Variants in PTK2 observed in about 807,000 individuals in gnomAD.
The protein encoded by PTK2 is protein tyrosine kinase 2.
PTK2 carries 45 observed loss-of-function variants against 150.1 expected under a neutral mutation model. The ratio of observed to expected loss-of-function variants is 0.30; its 90% CI spans 0.24 to 0.38. The LOEUF is 0.38. PTK2 is among the 10% of genes least tolerant of loss of function. The probability of loss-of-function intolerance (pLI) is 1.00; values close to 1 mark genes in which losing one functional copy is unlikely to be tolerated. For missense variants in PTK2, 919 were observed against 1,307.3 expected, an observed-to-expected ratio of 0.70 and a Z score of 4.58; for synonymous variants, 432 against 449.2, an observed-to-expected ratio of 0.96 and a Z score of 0.48.
chr8:140,717,852 G>T (rs1004024255), intron 22 of PTK2, 143 bp from the exon 26 acceptor site: 1 of 615,670 alleles, frequency 1.6e-6, no homozygotes, highest in Non-Finnish European at 2.9e-6. Flanking sequence ...GGGAAAGAAG[G>T]ATCAGGTTTC....
chr8:140,872,248 T>A (rs1403347715), intron 4 of PTK2, among the ~76,000 whole-genome samples: 2 of 151,866 alleles, frequency 1.3e-5, no homozygotes, highest in African/African-American at 4.8e-5. Context: ...TTTCACCATG[T>A]TGGCCAGGCT....
chr8:140,686,658 T>C (rs1336040836), exon 27 of PTK2: 1 of 1,613,964 alleles, frequency 6.2e-7, no homozygotes, highest in South Asian at 1.1e-5. Context: ...CCATCCTCCC[T>C]GTCAATACTG....
intron 20 of PTK2, among the ~76,000 whole-genome samples, chr8:140,741,123 G>A (rs1186255112): frequency 2.0e-5 from 3 of 151,942 alleles, no homozygotes; most frequent in East Asian, 1.9e-4. Flanking sequence ...CAGCCTGGAC[G>A]ACAGAACGAG....
At chr8:140,686,818 C>T in intron 26 of PTK2, 124 bp from the exon 30 acceptor site, 1 of 848,762 alleles carries the variant, frequency 1.2e-6, no homozygotes, top group Admixed American at 2.7e-5. Context: ...TTGAAAGTTC[C>T]CCCGTTTCAA....
chr8:140,941,019 C>T (rs556941984), intron 1 of PTK2, among the ~76,000 whole-genome samples: 12 of 151,954 alleles, frequency 7.9e-5, no homozygotes, highest in Non-Finnish European at 1.6e-4. Context: ...ATGTGTAATA[C>T]AACAATCACA....
Position 141,000,613 on chromosome 8 carries a change from G to A in PTK2, c.-122+512C>T, listed in dbSNP as rs567507560. Among the ~76,000 whole-genome samples, 193 of 150,432 alleles carry A rather than the reference G, an allele frequency of 1.3e-3. 2 individuals carry two copies. The highest frequency in any genetic ancestry group is 4.6e-3 in the African/African-American group (190 of 40,942). The stretch of plus-strand genomic sequence containing the variant: ...CGCCCTGCGCGCCCCCAGAGCCCCG[G>A]CCTCCTCGTCTTCCTCAGGCCCCTC... On this transcript the variant is annotated intron_variant, in intron 1 of 31. Transcript: ENST00000522684.
intron 3 of PTK2, among the ~76,000 whole-genome samples, chr8:140,882,226 T>C (rs918367144): frequency 2.0e-5 from 3 of 152,204 alleles, no homozygotes; most frequent in Non-Finnish European, 2.9e-5. Context: ...TTAAGTAATT[T>C]TGAGAACTAA....
intron 17 of PTK2, among the ~76,000 whole-genome samples, chr8:140,747,683 G>C (rs2100060056): frequency 1.1e-5 from 1 of 89,880 alleles, no homozygotes; most frequent in Non-Finnish European, 2.3e-5. Context: ...GAGAAGGAAG[G>C]GGAGGAGGAG....
chr8:140,802,188 G>C (rs745786251), intron 11 of PTK2, among the ~76,000 whole-genome samples: 14 of 151,962 alleles, frequency 9.2e-5, no homozygotes, highest in Non-Finnish European at 1.5e-4. Context: ...TGTGTGTTAC[G>C]GCCCCTGAAG....
chr8:140,938,237 C>T (rs1393717013), intron 1 of PTK2, among the ~76,000 whole-genome samples: 1 of 152,144 alleles, frequency 6.6e-6, no homozygotes, highest in Non-Finnish European at 1.5e-5. Context: ...GTGCTTTGAC[C>T]GCTCTGTGAC....
intron 14 of PTK2, among the ~76,000 whole-genome samples, chr8:140,772,768 A>C (rs895253414): frequency 2.6e-5 from 4 of 152,214 alleles, no homozygotes; most frequent in African/African-American, 4.8e-5. Context: ...CAAAATATAA[A>C]TATAGTGAAA....
chr8:140,962,575 G>T (rs958320086), intron 1 of PTK2, among the ~76,000 whole-genome samples: 15 of 152,080 alleles, frequency 9.9e-5, no homozygotes, highest in African/African-American at 3.6e-4. Context: ...GAGGCGTGTA[G>T]ATCATGAGGT....
chr8:140,979,267 G>GAA (rs1221077690), intron 1 of PTK2, among the ~76,000 whole-genome samples: 1 of 131,148 alleles, frequency 7.6e-6, no homozygotes, highest in Non-Finnish European at 1.7e-5. Context: ...TTAAAAAAAA[G>GAA]AAAAAAAAAA....
At chr8:140,968,251 C>T (rs1047684215) in intron 1 of PTK2, among the ~76,000 whole-genome samples, 3 of 152,026 alleles carry the variant, frequency 2.0e-5, no homozygotes, top group African/African-American at 7.3e-5. Flanking sequence ...TAGCAAATGA[C>T]GAATATAAAC....
At chr8:140,877,618 TG>T (rs1348044993) in intron 4 of PTK2, among the ~76,000 whole-genome samples, 1 of 152,222 alleles carries the variant, frequency 6.6e-6, no homozygotes, top group East Asian at 1.9e-4. Context: ...GCAGAGTCCC[TG>T]GCTCAGCCAC....
intron 1 of PTK2, chr8:140,948,685 G>C (rs540550356): frequency 1.3e-5 from 2 of 152,094 alleles, no homozygotes; most frequent in South Asian, 4.1e-4. Flanking sequence ...AGCCATCCAC[G>C]TCAGCGGGTT....
chr8:140,968,455 G>C (rs1291939164), intron 1 of PTK2, among the ~76,000 whole-genome samples: 4 of 152,144 alleles, frequency 2.6e-5, no homozygotes, highest in East Asian at 3.9e-4. Flanking sequence ...ATTTACAAAA[G>C]AGTTACAATT....
chr8:140,887,032 T>C (rs1435767364), intron 3 of PTK2, among the ~76,000 whole-genome samples: 1 of 152,220 alleles, frequency 6.6e-6, no homozygotes, highest in Non-Finnish European at 1.5e-5. Context: ...GTACTGACAC[T>C]TGGCCAAAGC....
At chr8:140,819,097 T>A in intron 8 of PTK2, 77 bp from the exon 9 acceptor site, 1 of 1,462,034 alleles carries the variant, frequency 6.8e-7, no homozygotes, top group Non-Finnish European at 9.2e-7. Context: ...GTAAGATTTC[T>A]TTCCTACCAA....
Sources: allele counts gnomAD v4.1 joint callset (sites outside exome capture counted in the v4.1 genomes callset), GRCh38; gene constraint gnomAD v4.1.1; transcripts MANE v1.5; gene names NCBI Gene and HGNC (gene_info 2026-07-23, HGNC 2026-07-21).